ZFPM2: variants seen among roughly 807,000 people sequenced by gnomAD.
ZFPM2 encodes the protein zinc finger protein, FOG family member 2.
In ZFPM2, 20 loss-of-function variants were observed where a neutral mutation model predicts 98.6. The observed-to-expected ratio is 0.20, with a 90% CI of 0.14 to 0.29. ZFPM2 has a LOEUF of 0.29. Ranked by LOEUF, ZFPM2 falls within the 10% of genes least tolerant of loss-of-function variation. The pLI is 1.00. For missense variants in ZFPM2, 1,310 were observed against 1,388.6 expected (o/e 0.94, Z 0.90); for synonymous variants, 518 against 502.7 (o/e 1.03, Z -0.41).
rs200957997 is a variant in ZFPM2 at position 105,505,537 on chromosome 8, A to G, written c.302-55826A>G. Reference sequence around the variant, plus strand: ...CTCCCAAAGCAGCATATTAAAACATACTTTTTTTTTTCTGTTGACATTCTA... The same window carrying G: ...CTCCCAAAGCAGCATATTAAAACATGCTTTTTTTTTTCTGTTGACATTCTA... On this transcript the variant is annotated intron_variant, in intron 3 of 7. Coordinates refer to ENST00000407775, the MANE Select transcript of ZFPM2 (RefSeq NM_012082.4). Among the ~76,000 whole-genome samples, 3 of 152,172 alleles carry G rather than the reference A, an allele frequency of 2.0e-5. No homozygotes were observed. In the East Asian group the frequency reaches 5.8e-4, roughly 29 times the overall value.
intron 7 of ZFPM2, 51 bp from the exon 8 acceptor site, chr8:105,800,995 CA>C (rs1368734027): frequency 8.5e-6 from 13 of 1,531,086 alleles, no homozygotes; most frequent in African/African-American, 2.8e-5. Flanking sequence ...CCCTGTCATT[CA>C]AAAACCAACA....
chr8:105,740,560 A>G (rs888158848), intron 5 of ZFPM2, among the ~76,000 whole-genome samples: 1 of 147,674 alleles, frequency 6.8e-6, no homozygotes, highest in Non-Finnish European at 1.5e-5. Context: ...ATATATATAC[A>G]TGTGTTATAT....
chr8:105,718,533 T>C (rs1161637187), intron 5 of ZFPM2, among the ~76,000 whole-genome samples: 1 of 151,990 alleles, frequency 6.6e-6, no homozygotes, highest in East Asian at 1.9e-4. Flanking sequence ...AGTAAGATAA[T>C]GTCTTTGAAA....
At chr8:105,691,231 CTTTTTTTT>C (rs869164122) in intron 5 of ZFPM2, among the ~76,000 whole-genome samples, 64 of 67,958 alleles carry the variant, frequency 9.4e-4, no homozygotes, top group South Asian at 5.1e-3. Flanking sequence ...CCCAAAGAGA[CTTTTTTTT>C]TTTTTTTTTT....
chr8:105,370,043 T>C (rs1586322262), intron 1 of ZFPM2, among the ~76,000 whole-genome samples: 1 of 152,234 alleles, frequency 6.6e-6, no homozygotes, highest in Admixed American at 6.5e-5. Context: ...TTAAAATGTA[T>C]GGTAATAAGT....
chr8:105,628,955 G>A (rs148096774), intron 4 of ZFPM2, among the ~76,000 whole-genome samples: 79 of 152,308 alleles, frequency 5.2e-4, no homozygotes, highest in African/African-American at 1.9e-3. Flanking sequence ...GCTGACTGCG[G>A]ACAGCAGAGC....
At chr8:105,611,701 T>TC (rs1563742366) in intron 4 of ZFPM2, among the ~76,000 whole-genome samples, 1 of 116,680 alleles carries the variant, frequency 8.6e-6, no homozygotes, top group African/African-American at 2.7e-5. Context: ...CAAAAAAAAA[T>TC]TTTTTTTTTT....
intron 5 of ZFPM2, among the ~76,000 whole-genome samples, chr8:105,640,204 A>G (rs1316676012): frequency 3.3e-5 from 5 of 152,044 alleles, no homozygotes. Context: ...TTCAATTCCC[A>G]ATTGTACAAT....
At chr8:105,692,341 G>A (rs952105855) in intron 5 of ZFPM2, among the ~76,000 whole-genome samples, 4 of 152,154 alleles carry the variant, frequency 2.6e-5, no homozygotes, top group Non-Finnish European at 5.9e-5. Flanking sequence ...TGTTCATATA[G>A]TGGATTATGC....
chr8:105,441,490 G>GAAAA (rs138686924), intron 2 of ZFPM2, among the ~76,000 whole-genome samples: 1 of 71,152 alleles, frequency 1.4e-5, no homozygotes. Flanking sequence ...AAGAAAGAAA[G>GAAAA]AAAGAAAGAA....
In ZFPM2 at chr8:105,609,360, T is replaced by C. The variant is rs151057713; in HGVS notation, c.421-24886T>C. On this transcript the variant is annotated intron_variant, in intron 4 of 7. Coordinates refer to ENST00000407775, the MANE Select transcript of ZFPM2 (RefSeq NM_012082.4). ...GGAATAACAAATGGGATCTTTTGCC[T>C]CCAGTGGAGAGGACAAGTGGAAACT... 2.3e-3 allele frequency among the ~76,000 whole-genome samples: 352 copies of C among 152,182 alleles called. 11 individuals carry two copies. The South Asian group carries it at 0.055, about 24-fold the overall frequency.
At chr8:105,488,706 G>A (rs1438876820) in intron 3 of ZFPM2, among the ~76,000 whole-genome samples, 1 of 152,160 alleles carries the variant, frequency 6.6e-6, no homozygotes. Context: ...GGAGGTTGTG[G>A]TGAGCCGAGA....
chr8:105,621,758 A>C (rs929548746), intron 4 of ZFPM2, among the ~76,000 whole-genome samples: 1 of 152,182 alleles, frequency 6.6e-6, no homozygotes, highest in Non-Finnish European at 1.5e-5. Context: ...TCTATCCTTG[A>C]GTATTCTACA....
At chr8:105,615,345 T>C (rs909737272) in intron 4 of ZFPM2, among the ~76,000 whole-genome samples, 2 of 152,128 alleles carry the variant, frequency 1.3e-5, no homozygotes, top group African/African-American at 4.8e-5. Flanking sequence ...TCTAAGAATG[T>C]CAAGGACAGA....
chr8:105,764,798 T>A (rs1291194075), intron 5 of ZFPM2, among the ~76,000 whole-genome samples: 1 of 151,824 alleles, frequency 6.6e-6, no homozygotes, highest in East Asian at 1.9e-4. Context: ...GTAAGGTGTT[T>A]TAGAATCTGT....
chr8:105,701,253 CAG>C (rs1563527686), intron 5 of ZFPM2, among the ~76,000 whole-genome samples: 2 of 151,982 alleles, frequency 1.3e-5, no homozygotes, highest in African/African-American at 4.8e-5. Context: ...TGGAAAAAGA[CAG>C]AAATTTCTGA....
intron 4 of ZFPM2, among the ~76,000 whole-genome samples, chr8:105,570,560 A>G (rs1303561943): frequency 6.6e-6 from 1 of 152,176 alleles, no homozygotes; most frequent in South Asian, 2.1e-4. Flanking sequence ...ATGAAAATAC[A>G]TTGTCATATG....
At chr8:105,352,884 C>A (rs934467970) in intron 1 of ZFPM2, among the ~76,000 whole-genome samples, 1 of 152,090 alleles carries the variant, frequency 6.6e-6, no homozygotes, top group African/African-American at 2.4e-5. Flanking sequence ...TACCTACCTA[C>A]CTATTCGTCT....
intron 4 of ZFPM2, among the ~76,000 whole-genome samples, chr8:105,591,727 A>G (rs1476380955): frequency 2.0e-5 from 3 of 151,978 alleles, no homozygotes; most frequent in Non-Finnish European, 2.9e-5. Context: ...CAGTAATATC[A>G]TCATTTGTTA....
Sources: allele counts gnomAD v4.1 joint callset (sites outside exome capture counted in the v4.1 genomes callset), GRCh38; gene constraint gnomAD v4.1.1; transcripts MANE v1.5; gene names NCBI Gene and HGNC (gene_info 2026-07-23, HGNC 2026-07-21).